Variants in ACADL observed in about 807,000 individuals in gnomAD.
ACADL encodes acyl-CoA dehydrogenase long chain, also known as long-chain specific acyl-CoA dehydrogenase, mitochondrial.
Under a neutral mutation model 56.9 loss-of-function variants are expected in ACADL, and 60 were observed. The observed-to-expected ratio is 1.05, with a 90% CI of 0.86 to 1.31. The LOEUF is 1.31. Ranked by LOEUF, ACADL falls within the 50% of genes most tolerant of loss-of-function variation. The pLI, the probability that ACADL is intolerant of heterozygous loss-of-function variation, is 0.00. For missense variants in ACADL, 484 were observed against 525.5 expected, an observed-to-expected ratio of 0.92 and a Z score of 0.77; for synonymous variants, 158 against 179.7, an observed-to-expected ratio of 0.88 and a Z score of 0.97.
At chr2:210,211,214 G>A (rs1317507645) in intron 4 of ACADL, among the ~76,000 whole-genome samples, 2 of 151,944 alleles carry the variant, frequency 1.3e-5, no homozygotes, top group Non-Finnish European at 2.9e-5. Context: ...ATATGATTTT[G>A]ATCTGTTAAC....
intron 4 of ACADL, among the ~76,000 whole-genome samples, chr2:210,212,901 A>C (rs1186181710): frequency 6.6e-6 from 1 of 152,208 alleles, no homozygotes; most frequent in Non-Finnish European, 1.5e-5. Flanking sequence ...CTGTTACAAC[A>C]TTGTCCGTGG....
intron 10 of ACADL, among the ~76,000 whole-genome samples, chr2:210,189,774 A>T (rs1688602495): frequency 6.6e-6 from 1 of 151,732 alleles, no homozygotes. Flanking sequence ...CAGCTCTGGG[A>T]TTGGGGAGGG....
At chr2:210,217,887 T>C in intron 3 of ACADL, 78 bp downstream of exon 3, 1 of 1,531,502 alleles carries the variant, frequency 6.5e-7, no homozygotes, top group Non-Finnish European at 9.0e-7. Context: ...GTTTGTTTGT[T>C]TGTTTGTTTG....
At chr2:210,219,139 A>G (rs1171172499) in intron 2 of ACADL, among the ~76,000 whole-genome samples, 1 of 152,248 alleles carries the variant, frequency 6.6e-6, no homozygotes, top group East Asian at 1.9e-4. Flanking sequence ...GTTCTTGCTT[A>G]AAGTAGCTTT....
intron 8 of ACADL, among the ~76,000 whole-genome samples, chr2:210,202,847 T>G (rs1688816997): frequency 6.6e-6 from 1 of 152,136 alleles, no homozygotes. Context: ...TACGTCCTCA[T>G]TTCTATCTAC....
At chr2:210,210,642 T>C (rs1277842208) in intron 4 of ACADL, among the ~76,000 whole-genome samples, 1 of 152,122 alleles carries the variant, frequency 6.6e-6, no homozygotes, top group South Asian at 2.1e-4. Flanking sequence ...CCTGTCTCTA[T>C]TGATCAAAAA....
chr2:210,211,290 T>C (rs1688974019), intron 4 of ACADL, among the ~76,000 whole-genome samples: 1 of 152,178 alleles, frequency 6.6e-6, no homozygotes, highest in Non-Finnish European at 1.5e-5. Flanking sequence ...TTTTAAGAAA[T>C]AATCCCCTAT....
intron 8 of ACADL, among the ~76,000 whole-genome samples, chr2:210,195,904 G>C (rs561396594): frequency 4.4e-4 from 67 of 152,190 alleles, no homozygotes; most frequent in Admixed American, 2.4e-3. Flanking sequence ...TAAAATCAGA[G>C]TACTAAAGAG....
chr2:210,220,749 A>G lies in ACADL; in HGVS notation c.131T>C (p.Leu44Ser). 3 of 1,612,546 alleles carry G rather than the reference A, an allele frequency of 1.9e-6. No individual in the cohort carries two copies. The change falls in exon 2 of 11, where the codon TTA becomes TCA. Residue 44 changes from leucine to serine, a missense_variant. Transcript: ENST00000233710. ...GATTCTTCGAATTCCTATATCTGTT[A>G]ATTTTTTAGCAGAAGGAGTTTCTAG... ...ERLETPSAKK[L>S]TDIGIRRIFS...
intron 7 of ACADL, among the ~76,000 whole-genome samples, chr2:210,204,045 A>G (rs1575675190): frequency 6.6e-6 from 1 of 152,272 alleles, no homozygotes. Flanking sequence ...GTTTGATTCC[A>G]TCATGCTGGT....
rs1166317920 is a variant in ACADL at position 210,225,409 on chromosome 2, G to T, written c.-146C>A. On this transcript the variant is annotated 5_prime_UTR_variant, in exon 1 of 11. Coordinates refer to ENST00000233710, the MANE Select transcript of ACADL (RefSeq NM_001608.4). The stretch of plus-strand genomic sequence containing the variant: ...AAAAGCGCTCGCGCGCGCCCTTCCG[G>T]AGCCCCAACCACGCCACAGGCTGGT... 5 of 845,040 alleles carry T rather than the reference G, an allele frequency of 5.9e-6. No homozygotes were observed. The highest frequency in any genetic ancestry group is 8.9e-6 in the Non-Finnish European group (5 of 560,758). 52.3% of individuals were successfully genotyped at this position (845,040 alleles called of 1,614,324 possible).
chr2:210,220,396 T>C (rs1343234358), intron 2 of ACADL, among the ~76,000 whole-genome samples: 2 of 152,116 alleles, frequency 1.3e-5, no homozygotes, highest in East Asian at 3.9e-4. Flanking sequence ...TTACCCATGG[T>C]TTTCAAAAAC....
Position 210,188,367 on chromosome 2 carries a change from C to T in ACADL, c.*594G>A, listed in dbSNP as rs946204910. On this transcript the variant is annotated 3_prime_UTR_variant, in exon 11 of 11. Coordinates refer to ENST00000233710, the MANE Select transcript of ACADL (RefSeq NM_001608.4). ...TAGCTGAGTCCTAGGGGTTTCAAGG[C>T]AGTAAGGTATGATGGCTTCCAGCTT... The T allele has an allele frequency of 2.6e-5, 4 of 153,950 alleles. No individual in the cohort carries two copies. The highest frequency in any genetic ancestry group is 9.6e-5 in the African/African-American group (4 of 41,578). 9.5% of individuals were successfully genotyped at this position (153,950 alleles called of 1,614,324 possible). A position where few individuals can be genotyped will look rare whatever the true frequency, so the allele number is the denominator to read the frequency against.
intron 4 of ACADL, among the ~76,000 whole-genome samples, chr2:210,214,529 G>GAAGGAAAT (rs1366259617): frequency 3.6e-4 from 50 of 138,306 alleles, no homozygotes; most frequent in African/African-American, 1.3e-3. Context: ...AAGAAAGAAA[G>GAAGGAAAT]AAATCTGCTT....
chr2:210,216,541 G>A, intron 3 of ACADL, 30 bp from the exon 4 acceptor site: 1 of 1,574,042 alleles, frequency 6.4e-7, no homozygotes, highest in Non-Finnish European at 8.7e-7. Flanking sequence ...AAAAATTAGA[G>A]CATAAAATAG....
intron 7 of ACADL, among the ~76,000 whole-genome samples, 167 bp downstream of exon 7, chr2:210,204,414 C>A (rs1688850145): frequency 6.6e-6 from 1 of 152,060 alleles, no homozygotes; most frequent in Admixed American, 6.6e-5. Context: ...CTTAACTACC[C>A]TATAAAACTC....
chr2:210,221,897 G>A (rs1689181628), intron 1 of ACADL, among the ~76,000 whole-genome samples: 1 of 151,710 alleles, frequency 6.6e-6, no homozygotes, highest in South Asian at 2.1e-4. Context: ...ACCCAGCTAA[G>A]TTTTGTATTT....
intron 10 of ACADL, among the ~76,000 whole-genome samples, chr2:210,190,366 C>T (rs964902872): frequency 8.5e-5 from 13 of 152,238 alleles, no homozygotes; most frequent in African/African-American, 2.9e-4. Flanking sequence ...TGTAAGCCTA[C>T]TTCAGCAGTC....
At chr2:210,201,926 A>T (rs970866781) in intron 8 of ACADL, among the ~76,000 whole-genome samples, 2 of 152,184 alleles carry the variant, frequency 1.3e-5, no homozygotes, top group Admixed American at 1.3e-4. Flanking sequence ...GTACCTGGGA[A>T]GCTAAACTCT....
Sources: gnomAD v4.1 joint callset for allele counts (sites outside exome capture counted in the v4.1 genomes callset) on GRCh38, gnomAD v4.1.1 for gene constraint, MANE v1.5 for transcripts, NCBI Gene and HGNC (gene_info 2026-07-23, HGNC 2026-07-21) for gene names.